The following AGBL4 variants were observed in gnomAD, a reference collection of about 807,000 sequenced individuals.
AGBL4 encodes the protein cytosolic carboxypeptidase 6.
A neutral mutation model predicts 66.4 loss-of-function variants in AGBL4; 58 were observed. The ratio of observed to expected loss-of-function variants is 0.87; its 90% CI spans 0.71 to 1.09. AGBL4 has a LOEUF of 1.09. Ranked by LOEUF, AGBL4 falls within the 50% of genes least tolerant of loss-of-function variation. The pLI is 0.00. For missense variants in AGBL4, 579 were observed against 631.0 expected (o/e 0.92, Z 0.88); for synonymous variants, 234 against 222.9 (o/e 1.05, Z -0.44).
chr1:49,075,832 T>G (rs1457723046), intron 4 of AGBL4, among the ~76,000 whole-genome samples: 1 of 152,198 alleles, frequency 6.6e-6, no homozygotes, highest in African/African-American at 2.4e-5. Flanking sequence ...AAAATAGATA[T>G]TCCACTATGG....
chr1:49,113,790 G>A (rs1037871664), intron 4 of AGBL4, among the ~76,000 whole-genome samples: 3 of 152,214 alleles, frequency 2.0e-5, no homozygotes, highest in African/African-American at 7.2e-5. Flanking sequence ...CAGAGCTCTT[G>A]GGTGACCATG....
chr1:48,993,314 C>T (rs1660751607), intron 5 of AGBL4, among the ~76,000 whole-genome samples: 1 of 152,144 alleles, frequency 6.6e-6, no homozygotes, highest in African/African-American at 2.4e-5. Context: ...TACCTCAGGA[C>T]TCTGCCTGAC....
chr1:49,932,497 T>A (rs147840283), intron 1 of AGBL4, among the ~76,000 whole-genome samples: 2 of 152,102 alleles, frequency 1.3e-5, no homozygotes, highest in African/African-American at 2.4e-5. Context: ...TAAAAGAAAT[T>A]GATAAACTGG....
chr1:49,468,776 T>C (rs1004199694), intron 3 of AGBL4, among the ~76,000 whole-genome samples: 9 of 151,972 alleles, frequency 5.9e-5, no homozygotes, highest in African/African-American at 2.2e-4. Flanking sequence ...TTTTTGCAAA[T>C]TTGACTCCAT....
intron 9 of AGBL4, among the ~76,000 whole-genome samples, chr1:48,606,479 G>A (rs1041551741): frequency 1.3e-5 from 2 of 152,176 alleles, no homozygotes; most frequent in Non-Finnish European, 2.9e-5. Flanking sequence ...TGATGGTCTG[G>A]AATTCAGGAA....
intron 6 of AGBL4, among the ~76,000 whole-genome samples, chr1:48,813,513 G>A (rs1369524035): frequency 6.6e-6 from 1 of 152,158 alleles, no homozygotes; most frequent in African/African-American, 2.4e-5. Context: ...GCTCCCAGGA[G>A]GAGGCTGACC....
chr1:49,553,815 A>C (rs1653169892), intron 3 of AGBL4, among the ~76,000 whole-genome samples: 1 of 152,188 alleles, frequency 6.6e-6, no homozygotes, highest in African/African-American at 2.4e-5. Flanking sequence ...ACATTATTAT[A>C]ATGTTTATAA....
chr1:49,656,696 T>C (rs897645642), intron 3 of AGBL4, among the ~76,000 whole-genome samples: 2 of 152,192 alleles, frequency 1.3e-5, no homozygotes, highest in Non-Finnish European at 2.9e-5. Flanking sequence ...GCAAGGCTGG[T>C]TCATCATACG....
chr1:49,575,346 C>T (rs1026125715), intron 3 of AGBL4, among the ~76,000 whole-genome samples: 4 of 152,152 alleles, frequency 2.6e-5, no homozygotes, highest in African/African-American at 4.8e-5. Flanking sequence ...CTGGCATAGA[C>T]ATACTTAGCA....
rs1309212903 is a variant in AGBL4 at position 49,364,667 on chromosome 1, G to A, written c.283-118803C>T. On this transcript the variant is annotated intron_variant, in intron 3 of 13. Coordinates refer to ENST00000371839, the MANE Select transcript of AGBL4 (RefSeq NM_032785.4). Reference sequence around the variant, plus strand: ...TAATTTTTTTATTTTTGGTAGAGACGGGGTTTTGCCATGTTGGCCAGGCTG... The same window carrying A: ...TAATTTTTTTATTTTTGGTAGAGACAGGGTTTTGCCATGTTGGCCAGGCTG... Among the ~76,000 whole-genome samples, 4 of 152,014 alleles carry A rather than the reference G, an allele frequency of 2.6e-5. No individual in the cohort carries two copies. In the East Asian group the frequency reaches 7.7e-4, roughly 29 times the overall value.
intron 3 of AGBL4, among the ~76,000 whole-genome samples, chr1:49,630,016 T>C (rs1645540407): frequency 6.6e-6 from 1 of 152,146 alleles, no homozygotes; most frequent in Non-Finnish European, 1.5e-5. Flanking sequence ...TCCCTGAAAG[T>C]CAAGCCCCCT....
At chr1:49,990,709 C>T (rs770731604) in intron 1 of AGBL4, among the ~76,000 whole-genome samples, 1 of 152,220 alleles carries the variant, frequency 6.6e-6, no homozygotes, top group Non-Finnish European at 1.5e-5. Context: ...ACCGATTAGC[C>T]ATGTAATCTT....
intron 6 of AGBL4, among the ~76,000 whole-genome samples, chr1:48,733,787 A>G (rs1165060793): frequency 1.3e-5 from 2 of 152,216 alleles, no homozygotes; most frequent in Non-Finnish European, 2.9e-5. Flanking sequence ...AAATTTGGTC[A>G]GGCGATCAGC....
At chr1:49,994,386 C>T (rs976061945) in intron 1 of AGBL4, 1 of 145,610 alleles carries the variant, frequency 6.9e-6, no homozygotes, top group African/African-American at 2.5e-5. Flanking sequence ...GAAAAATAGA[C>T]AGAATGAGGA....
At chr1:49,088,092 T>C (rs1644939596) in intron 4 of AGBL4, among the ~76,000 whole-genome samples, 1 of 152,122 alleles carries the variant, frequency 6.6e-6, no homozygotes. Flanking sequence ...GAGTGCTAAA[T>C]ATGGAAAGGA....
At chr1:48,919,719 C>T (rs1198068009) in intron 5 of AGBL4, among the ~76,000 whole-genome samples, 1 of 152,134 alleles carries the variant, frequency 6.6e-6, no homozygotes, top group Non-Finnish European at 1.5e-5. Context: ...CACTAGATGC[C>T]AGTAACACCC....
At chr1:49,883,115 TATC>T (rs1413735272) in intron 1 of AGBL4, among the ~76,000 whole-genome samples, 1 of 152,198 alleles carries the variant, frequency 6.6e-6, no homozygotes, top group Non-Finnish European at 1.5e-5. Context: ...TATCCAAAAA[TATC>T]ATCATTTTAG....
In AGBL4 at chr1:50,003,085, TG is replaced by T. The variant is rs558065036; in HGVS notation, c.34+20677del. Among the ~76,000 whole-genome samples, 27 of 152,302 alleles carry T rather than the reference TG, an allele frequency of 1.8e-4. No homozygotes were observed. In the East Asian group the frequency reaches 5.0e-3, roughly 28 times the overall value. On this transcript the variant is annotated intron_variant, in intron 1 of 13. Transcript: ENST00000371839. The stretch of plus-strand genomic sequence containing the variant: ...CACCCACCCCATATTAACTCATGTC[TG>T]ATATAAATTTGCTTATAATCTTATG...
chr1:49,877,381 T>A (rs1017431445), intron 1 of AGBL4, among the ~76,000 whole-genome samples: 13 of 152,106 alleles, frequency 8.5e-5, no homozygotes, highest in African/African-American at 3.1e-4. Context: ...GTTGTTGAAT[T>A]CTGTCAAAGG....
Sources: gnomAD v4.1 joint callset for allele counts (sites outside exome capture counted in the v4.1 genomes callset) on GRCh38, gnomAD v4.1.1 for gene constraint, MANE v1.5 for transcripts, NCBI Gene and HGNC (gene_info 2026-07-23, HGNC 2026-07-21) for gene names.